TRIM7: variants seen among roughly 807,000 people sequenced by gnomAD.
The protein encoded by TRIM7 is tripartite motif containing 7, also known as E3 ubiquitin-protein ligase TRIM7.
TRIM7 carries 32 observed loss-of-function variants against 37.9 expected under a neutral mutation model. The observed-to-expected ratio is 0.84, with a 90% CI of 0.64 to 1.13. TRIM7 has a LOEUF of 1.13. Among genes scored for constraint, TRIM7 ranks in the 50% most tolerant of loss-of-function variants. The probability of loss-of-function intolerance (pLI) is 0.00; values close to 1 mark genes in which losing one functional copy is unlikely to be tolerated. For synonymous variants in TRIM7, 351 were observed against 321.3 expected, an observed-to-expected ratio of 1.09 and a Z score of -0.99; for missense variants, 732 against 714.0, an observed-to-expected ratio of 1.03 and a Z score of -0.29.
intron 2 of TRIM7, chr5:181,202,094 CT>C (rs1367391505): frequency 2.0e-5 from 3 of 152,284 alleles, no homozygotes; most frequent in Non-Finnish European, 4.4e-5. Context: ...TCCTCCACCC[CT>C]CCTGACATTG....
intron 4 of TRIM7, 141 bp from the exon 5 acceptor site, chr5:181,198,946 G>A: frequency 8.2e-7 from 1 of 1,217,864 alleles, no homozygotes; most frequent in Non-Finnish European, 1.2e-6. Flanking sequence ...CCCATGGCCA[G>A]GCAGGTGGGC....
chr5:181,203,938 A>G, intron 1 of TRIM7: 1 of 1,158,172 alleles, frequency 8.6e-7, no homozygotes, highest in Non-Finnish European at 1.1e-6. Flanking sequence ...CGTGGCTGGG[A>G]GAGTTGGAGC....
chr5:181,198,702 T>A lies in TRIM7; in HGVS notation c.976A>T (p.Lys326Ter). Residue 326 changes from lysine to a stop codon, truncating the protein, a stop_gained, in exon 5 of 7, where the codon AAG (lysine) becomes TAG (stop). Coordinates refer to ENST00000274773, the MANE Select transcript of TRIM7 (RefSeq NM_203293.3). LOFTEE classifies it low-confidence loss of function (END_TRUNC). ...CCCAGGCCCCTACCTTTGAACTTCT[T>A]CAGCATCCCTTTTAAGACAAAGGTC... is the stretch of plus-strand genomic sequence containing the variant. ...LKTFVLKGML[K>*]KFKEDLRGEL... 1 of 1,613,546 alleles carries A rather than the reference T, an allele frequency of 6.2e-7. No homozygotes were observed. Among genetic ancestry groups the A allele is most frequent in the Non-Finnish European group, 8.5e-7 (1 of 1,179,476 alleles).
At chr5:181,204,340 A>G in intron 1 of TRIM7, 10 of 1,201,662 alleles carry the variant, frequency 8.3e-6, no homozygotes, top group Non-Finnish European at 1.0e-5. Flanking sequence ...GACGTCGCGC[A>G]GGCGGCCCAG....
intron 1 of TRIM7, chr5:181,204,157 T>C: frequency 1.0e-6 from 1 of 1,004,046 alleles, no homozygotes; most frequent in Non-Finnish European, 1.2e-6. Flanking sequence ...GTCCTCTCAC[T>C]CAGTTCCACG....
At chr5:181,200,317 G>A in intron 2 of TRIM7, 1 of 1,433,224 alleles carries the variant, frequency 7.0e-7, no homozygotes, top group Non-Finnish European at 9.1e-7. Flanking sequence ...ACATGTCTGT[G>A]GACCTGTGCT....
rs1757003687 is a variant in TRIM7, at chr5:181,195,016, C to T, written c.*150G>A. ...CTGCTCGGTTGGCCACAGTCACTCT[C>T]CTGCCTCGGGGTTGTGTCTGTAGCA... On this transcript the variant is annotated 3_prime_UTR_variant, in exon 7 of 7. Transcript: ENST00000274773. The T allele has an allele frequency of 5.0e-6, 5 of 996,838 alleles. No homozygotes were observed. The highest frequency in any genetic ancestry group is 7.3e-6 in the Non-Finnish European group (5 of 688,934). 61.7% of individuals were successfully genotyped at this position (996,838 alleles called of 1,614,324 possible).
rs1757728098 is a variant in TRIM7 at position 181,204,865 on chromosome 5, G to C, written c.246C>G (p.Arg82=). The C allele has an allele frequency of 1.5e-6, 2 of 1,338,942 alleles. No homozygotes were observed. Among genetic ancestry groups the C allele is most frequent in the Non-Finnish European group, 1.9e-6 (2 of 1,054,344 alleles). The allele number at this position is 1,338,942 out of a possible 1,614,324, so 82.9% of individuals were successfully genotyped here. A position where few individuals can be genotyped will look rare whatever the true frequency, so the allele number is the denominator to read the frequency against. Residue 82 remains arginine (R), a synonymous_variant, in exon 1 of 7, where the codon CGC becomes CGG. Coordinates refer to ENST00000274773, the MANE Select transcript of TRIM7 (RefSeq NM_203293.3). ...PPFPLPCPQC[R]EPARPSQLRP... is the part of the protein sequence containing the mutation. ...GCAGCTGACTGGGGCGCGCGGGCTC[G>C]CGGCACTGCGGACAGGGCAGTGGGA...
At position 181,203,182 on chromosome 5, in the gene TRIM7, A is replaced by G. The variant is rs933728647; in HGVS notation, c.618+363T>C. Reference sequence around the variant, plus strand: ...GGCTCTTTATTGTATTAATATTCCCACTTATTGAATATCCATGTTTCTCTG... The same window carrying G: ...GGCTCTTTATTGTATTAATATTCCCGCTTATTGAATATCCATGTTTCTCTG... On this transcript the variant is annotated intron_variant, in intron 2 of 6. Transcript: ENST00000274773. The G allele has an allele frequency of 4.1e-5, 32 of 781,764 alleles. No individual in the cohort carries two copies. In the South Asian group the frequency reaches 4.9e-4, roughly 12 times the overall value. The allele number at this position is 781,764 out of a possible 1,614,324, so 48.4% of individuals were successfully genotyped here.
At position 181,195,632 on chromosome 5, in the gene TRIM7, A is replaced by C. The variant is rs1486671165; in HGVS notation, c.1070T>G (p.Leu357Arg). ...GCGCACGCCCTTAAGATCCAGAGAG[A>C]GGATGAGGCGCGGGTTGGCCGTGTC... Reference protein sequence around the residue: ...DPDTANPRLILSLDLKGVRLG... With the variant: ...DPDTANPRLIRSLDLKGVRLG... Residue 357 changes from leucine (L) to arginine (R), a missense_variant, in exon 7 of 7, where the codon CTC becomes CGC. Coordinates refer to ENST00000274773, the MANE Select transcript of TRIM7 (RefSeq NM_203293.3). 1.3e-6 allele frequency: 2 copies of C among 1,549,260 alleles called. No homozygotes were observed. Among genetic ancestry groups the C allele is most frequent in the Admixed American group, 3.8e-5 (2 of 52,816 alleles).
At position 181,204,828 on chromosome 5, in the gene TRIM7, G is replaced by C. The variant is rs2770945; in HGVS notation, c.283C>G (p.Gln95Glu). The change falls in exon 1 of 7, where the codon CAG (glutamine) becomes GAG (glutamate). Residue 95 changes from glutamine (Q) to glutamate (E), a missense_variant. Gln to Glu is a conservative substitution (Grantham distance 29). Transcript: ENST00000274773. Reference protein sequence around the residue: ...ARPSQLRPNRQLAAVATLLRR... With the variant: ...ARPSQLRPNRELAAVATLLRR... ...AGGAGCGTGGCCACTGCCGCCAGCT[G>C]CCGGTTGGGCCGCAGCTGACTGGGG... 235,444 of 1,373,346 alleles carry C rather than the reference G, an allele frequency of 0.17. 21,151 individuals carry two copies. Among genetic ancestry groups the C allele is most frequent in the Non-Finnish European group, 0.18 (195,023 of 1,071,388 alleles). The allele number at this position is 1,373,346 out of a possible 1,614,324, so 85.1% of individuals were successfully genotyped here. A position where few individuals can be genotyped will look rare whatever the true frequency, so the allele number is the denominator to read the frequency against.
intron 2 of TRIM7, chr5:181,200,285 C>A (rs904189012): frequency 6.9e-7 from 1 of 1,443,920 alleles, no homozygotes; most frequent in Non-Finnish European, 9.1e-7. Flanking sequence ...GCTCTTTTCT[C>A]CCCTGCCACA....
In TRIM7 at chr5:181,200,037, C is replaced by T; in HGVS notation, c.663G>A (p.Gln221=). 6 of 1,614,268 alleles carry T rather than the reference C, an allele frequency of 3.7e-6. No individual in the cohort carries two copies. Among genetic ancestry groups the T allele is most frequent in the Non-Finnish European group, 5.1e-6 (6 of 1,180,050 alleles). Residue 221 remains glutamine (Q), a synonymous_variant, in exon 3 of 7, where the codon CAG becomes CAA. Transcript: ENST00000274773. The part of the protein sequence containing the change: ...AEQEKVGAEF[Q]ALRAFLVEQE... ...GCTCCACCAGGAAAGCCCTCAGTGC[C>T]TGGAACTCTGCCCCCACCTTCTCCT...
In TRIM7 at chr5:181,205,194, A is replaced by G; in HGVS notation, c.-84T>C. The G allele has an allele frequency of 8.0e-7, 1 of 1,242,640 alleles. No homozygotes were observed. Among genetic ancestry groups the G allele is most frequent in the Non-Finnish European group, 1.0e-6 (1 of 983,652 alleles). 77.0% of individuals were successfully genotyped at this position (1,242,640 alleles called of 1,614,324 possible). The stretch of plus-strand genomic sequence containing the variant: ...ACGCGGAGCTGGGCGCCGAGGGCCC[A>G]CTGGGAGAGGAAGGGCGGGGCTGCC... On this transcript the variant is annotated 5_prime_UTR_variant, in exon 1 of 7. Transcript: ENST00000274773.
chr5:181,202,690 C>A (rs1218626270), intron 2 of TRIM7: 1 of 151,998 alleles, frequency 6.6e-6, no homozygotes, highest in African/African-American at 2.4e-5. Flanking sequence ...CCTCAGCCTC[C>A]GGAGTAGCTG....
At chr5:181,202,758 G>C (rs1320018036) in intron 2 of TRIM7, 1 of 150,790 alleles carries the variant, frequency 6.6e-6, no homozygotes, top group Non-Finnish European at 1.5e-5. Flanking sequence ...AGAGACAGGG[G>C]TTTCACCGTG....
chr5:181,201,096 A>G (rs1056408136), intron 2 of TRIM7: 2 of 183,066 alleles, frequency 1.1e-5, no homozygotes, highest in African/African-American at 4.8e-5. Context: ...AGGAGGTAGC[A>G]CAAGTGAAAC....
At chr5:181,199,794 T>C in intron 3 of TRIM7, 57 bp downstream of exon 3, 1 of 1,541,536 alleles carries the variant, frequency 6.5e-7, no homozygotes, top group Non-Finnish European at 8.7e-7. Flanking sequence ...GTTCTCTAGC[T>C]GCTGGTCCTG....
At chr5:181,201,942 T>G (rs1273114959) in intron 2 of TRIM7, among the ~76,000 whole-genome samples, 1 of 152,054 alleles carries the variant, frequency 6.6e-6, no homozygotes, top group East Asian at 1.9e-4. Flanking sequence ...GGAGGAGGGA[T>G]GAAGGTCTAG....
Sources: allele counts gnomAD v4.1 joint callset (sites outside exome capture counted in the v4.1 genomes callset), GRCh38; gene constraint gnomAD v4.1.1; transcripts MANE v1.5; gene names NCBI Gene and HGNC (gene_info 2026-07-23, HGNC 2026-07-21).